DRG1: variants seen among roughly 807,000 people sequenced by gnomAD.
DRG1 encodes developmentally-regulated GTP-binding protein 1.
Under a neutral mutation model 38.8 loss-of-function variants are expected in DRG1, and 19 were observed. The ratio of observed to expected loss-of-function variants is 0.49; its 90% CI spans 0.34 to 0.72. The LOEUF (loss-of-function observed/expected upper bound fraction) is 0.72. Among genes scored for constraint, DRG1 ranks in the 30% least tolerant of loss-of-function variants. The probability of loss-of-function intolerance (pLI) is 0.01; values close to 1 mark genes in which losing one functional copy is unlikely to be tolerated. For synonymous variants in DRG1, 167 were observed against 157.5 expected (o/e 1.06, Z -0.45); for missense variants, 299 against 444.8 (o/e 0.67, Z 2.95).
chr22:31,433,062 G>A (rs1302768591), intron 8 of DRG1, among the ~76,000 whole-genome samples: 1 of 151,852 alleles, frequency 6.6e-6, no homozygotes, highest in Non-Finnish European at 1.5e-5. Context: ...CCAGTAAATC[G>A]GGAGGACATA....
Position 31,433,944 on chromosome 22 carries a change from G to T in DRG1, c.1077G>T (p.Glu359Asp). The T allele has an allele frequency of 6.2e-7, 1 of 1,614,046 alleles. No individual in the cohort carries two copies. The highest frequency in any genetic ancestry group is 8.5e-7 in the Non-Finnish European group (1 of 1,179,932). Residue 359 changes from glutamate to aspartate, a missense_variant, in exon 9 of 9, where the codon GAG becomes GAT. Transcript: ENST00000331457. ...KVGKDHTLED[E>D]DVIQIVKK ...GTAAAGACCATACGTTGGAGGATGAGGATGTCATTCAAATTGTGAAGAAGT... is the reference window on the plus strand; with the variant it reads ...GTAAAGACCATACGTTGGAGGATGATGATGTCATTCAAATTGTGAAGAAGT...
intron 2 of DRG1, among the ~76,000 whole-genome samples, chr22:31,401,280 G>C (rs1392739898): frequency 2.0e-5 from 3 of 147,900 alleles, no homozygotes; most frequent in African/African-American, 5.0e-5. Flanking sequence ...TATGAAAGAA[G>C]ATGTACCAAA....
chr22:31,411,459 T>C (rs1002795537), intron 4 of DRG1, among the ~76,000 whole-genome samples: 1 of 152,152 alleles, frequency 6.6e-6, no homozygotes, highest in African/African-American at 2.4e-5. Context: ...TTTGGGATGT[T>C]TTGCTGAAGC....
intron 3 of DRG1, among the ~76,000 whole-genome samples, chr22:31,403,977 C>CTTTTTTT (rs11295429): frequency 3.2e-4 from 26 of 81,790 alleles, no homozygotes; most frequent in East Asian, 4.3e-4. Flanking sequence ...AAGAGAATAA[C>CTTTTTTT]TTTTTTTTTT....
rs571795137 is a variant in DRG1, at chr22:31,403,466, G to A, written c.342+262G>A. On this transcript the variant is annotated intron_variant, in intron 3 of 8. Coordinates refer to ENST00000331457, the MANE Select transcript of DRG1 (RefSeq NM_004147.4). ...GCAGATCACCTGAGGTCGGGAGTTC[G>A]AGACCAGCCTGGCCAACATGGAGAA... 5.8e-3 allele frequency among the ~76,000 whole-genome samples: 877 copies of A among 151,928 alleles called. 5 individuals carry two copies. Among genetic ancestry groups the A allele is most frequent in the Middle Eastern group, 0.054 (16 of 294 alleles).
intron 3 of DRG1, among the ~76,000 whole-genome samples, chr22:31,405,547 C>G (rs1252829405): frequency 6.6e-6 from 1 of 152,040 alleles, no homozygotes; most frequent in Non-Finnish European, 1.5e-5. Flanking sequence ...TATTCATTCT[C>G]TCTTTCAGAT....
intron 3 of DRG1, among the ~76,000 whole-genome samples, chr22:31,408,404 A>C (rs1163309643): frequency 6.6e-6 from 1 of 150,684 alleles, no homozygotes. Context: ...TTGGCCTCCC[A>C]AAGTACTGGG....
At chr22:31,404,151 CT>C (rs1444416474) in intron 3 of DRG1, among the ~76,000 whole-genome samples, 1 of 151,602 alleles carries the variant, frequency 6.6e-6, no homozygotes, top group Non-Finnish European at 1.5e-5. Flanking sequence ...ATGGTGCTCT[CT>C]TTCCTCCCTT....
intron 3 of DRG1, among the ~76,000 whole-genome samples, 200 bp downstream of exon 3, chr22:31,403,404 AC>A (rs904456935): frequency 1.4e-4 from 22 of 151,924 alleles, no homozygotes; most frequent in African/African-American, 5.3e-4. Context: ...GCAGTGGCTC[AC>A]GCCTGTAATC....
At chr22:31,418,128 C>A (rs2050054733) in intron 4 of DRG1, among the ~76,000 whole-genome samples, 1 of 151,806 alleles carries the variant, frequency 6.6e-6, no homozygotes, top group Non-Finnish European at 1.5e-5. Context: ...AATGCTGTCT[C>A]TACTGCATCT....
chr22:31,400,710 C>T lies in DRG1; in HGVS notation c.133C>T (p.Pro45Ser). 1.2e-6 allele frequency: 2 copies of T among 1,613,256 alleles called. No individual in the cohort carries two copies. The highest frequency in any genetic ancestry group is 1.7e-6 in the Non-Finnish European group (2 of 1,179,536). Residue 45 changes from proline (P) to serine (S), a missense_variant, in exon 2 of 9, where the codon CCA becomes TCA. Pro to Ser is a moderately conservative substitution (Grantham distance 74, BLOSUM62 -1). Around this residue, in one of 3 missense-constraint regions of DRG1, gnomAD observed 51 missense variants for 56.1 expected, o/e 0.91. Transcript: ENST00000331457. Reference sequence around the variant, plus strand: ...TAAGCTTCGTCGAGAACTCATTACTCCAAAGGGTGGTGGTGGTGGAGGTCC... The same window carrying T: ...TAAGCTTCGTCGAGAACTCATTACTTCAAAGGGTGGTGGTGGTGGAGGTCC... Reference protein sequence around the residue: ...LAKLRRELITPKGGGGGGPGE... With the variant: ...LAKLRRELITSKGGGGGGPGE...
intron 5 of DRG1, among the ~76,000 whole-genome samples, chr22:31,422,333 A>C (rs1387869400): frequency 1.3e-5 from 2 of 151,560 alleles, no homozygotes; most frequent in African/African-American, 4.9e-5. Context: ...TCGGAGGCTG[A>C]GGCAGGAGAA....
intron 4 of DRG1, among the ~76,000 whole-genome samples, chr22:31,412,144 A>T (rs1324586389): frequency 6.6e-6 from 1 of 151,328 alleles, no homozygotes; most frequent in East Asian, 2.0e-4. Flanking sequence ...ACAAAAAAAA[A>T]TTAACCGGGA....
chr22:31,403,333 A>G, intron 3 of DRG1, 129 bp downstream of exon 3: 2 of 998,098 alleles, frequency 2.0e-6, no homozygotes, highest in Non-Finnish European at 1.4e-6. Context: ...GGTAGGGGAA[A>G]TAGAGCAGTA....
intron 8 of DRG1, among the ~76,000 whole-genome samples, chr22:31,431,033 C>CCG (rs2050136281): frequency 3.6e-5 from 2 of 55,878 alleles, no homozygotes; most frequent in Non-Finnish European, 7.5e-5. Flanking sequence ...CCCCCCCCCC[C>CCG]GCTTTTTTTT....
chr22:31,408,752 CAAAAAA>C (rs66474618), intron 3 of DRG1, among the ~76,000 whole-genome samples: 56,472 of 111,322 alleles, frequency 0.51, 12,315 homozygotes, highest in Middle Eastern at 0.62. Context: ...GACTCATTCT[CAAAAAA>C]AAAAAAAAAA....
chr22:31,401,550 C>T (rs1268365693), intron 2 of DRG1, among the ~76,000 whole-genome samples: 1 of 147,360 alleles, frequency 6.8e-6, no homozygotes. Context: ...TACCACTGCA[C>T]TCCAGCCTGG....
At position 31,427,163 on chromosome 22, in the gene DRG1, C is replaced by G; in HGVS notation, c.985C>G (p.Leu329Val). 4 of 1,614,086 alleles carry G rather than the reference C, an allele frequency of 2.5e-6. No individual in the cohort carries two copies. The South Asian group carries it at 4.4e-5, about 18-fold the overall frequency. Residue 329 changes from leucine to valine, a missense_variant, in exon 8 of 9, where the codon CTT becomes GTT. Leu to Val is a conservative substitution (Grantham distance 32). This residue lies in a region of DRG1 where 198 missense variants were observed against 268.1 expected (regional missense o/e 0.74). Transcript: ENST00000331457. ...TTTCTGCATGAAGATTCACAAAAAT[C>G]TTATCAAAGAATTTAAATAGTAAGT... ...EDFCMKIHKN[L>V]IKEFKYALVW...
intron 3 of DRG1, among the ~76,000 whole-genome samples, chr22:31,409,601 A>C (rs2145861222): frequency 6.6e-6 from 1 of 152,318 alleles, no homozygotes; most frequent in African/African-American, 2.4e-5. Flanking sequence ...AAATTGCAAT[A>C]TGTATCATAT....
Sources: allele counts gnomAD v4.1 joint callset (sites outside exome capture counted in the v4.1 genomes callset), GRCh38; gene constraint gnomAD v4.1.1; regional missense constraint gnomAD v4.1.1; transcripts MANE v1.5; gene names NCBI Gene and HGNC (gene_info 2026-07-23, HGNC 2026-07-21).